CELF4: variants seen among roughly 807,000 people sequenced by gnomAD.
CELF4 encodes the protein CUGBP Elav-like family member 4.
Under a neutral mutation model 59.9 loss-of-function variants are expected in CELF4, and 18 were observed. The observed-to-expected ratio is 0.30, with a 90% CI of 0.21 to 0.45. The LOEUF (loss-of-function observed/expected upper bound fraction) is 0.45. Among genes scored for constraint, CELF4 ranks in the 20% least tolerant of loss-of-function variants. The pLI, the probability that CELF4 is intolerant of heterozygous loss-of-function variation, is 1.00. For synonymous variants in CELF4, 261 were observed against 267.1 expected (o/e 0.98, Z 0.22); for missense variants, 456 against 689.0 (o/e 0.66, Z 3.79).
intron 1 of CELF4, among the ~76,000 whole-genome samples, chr18:37,510,971 TAC>T (rs2099943641): frequency 6.6e-6 from 1 of 152,178 alleles, no homozygotes; most frequent in South Asian, 2.1e-4. Flanking sequence ...TCTAGGCCAT[TAC>T]CCAGGGGCAC....
chr18:37,503,734 C>T (rs927940367), intron 1 of CELF4, among the ~76,000 whole-genome samples: 5 of 152,200 alleles, frequency 3.3e-5, no homozygotes, highest in Non-Finnish European at 7.3e-5. Context: ...CATGCTGAGT[C>T]CTGCCCTAGT....
intron 2 of CELF4, among the ~76,000 whole-genome samples, chr18:37,439,026 C>A (rs998203189): frequency 6.6e-5 from 10 of 152,166 alleles, no homozygotes; most frequent in African/African-American, 2.4e-4. Context: ...AAATTGCCTC[C>A]ACCTGAGAGC....
At chr18:37,273,353 TGA>T in intron 6 of CELF4, 190 bp from the exon 7 acceptor site, 6 of 1,373,674 alleles carry the variant, frequency 4.4e-6, no homozygotes, top group Non-Finnish European at 5.7e-6. Context: ...TCCACCACCC[TGA>T]GAGATGACTG....
intron 7 of CELF4, among the ~76,000 whole-genome samples, chr18:37,272,760 G>C (rs950173681): frequency 6.6e-6 from 1 of 152,126 alleles, no homozygotes; most frequent in Admixed American, 6.5e-5. Context: ...TCCTGATAAG[G>C]TTAAACAGCT....
At chr18:37,435,921 G>A (rs2099690180) in intron 2 of CELF4, among the ~76,000 whole-genome samples, 1 of 152,158 alleles carries the variant, frequency 6.6e-6, no homozygotes, top group African/African-American at 2.4e-5. Context: ...AATAAACCCA[G>A]GACAGAGTGG....
chr18:37,522,400 G>A (rs925201399), intron 1 of CELF4, among the ~76,000 whole-genome samples: 1 of 152,128 alleles, frequency 6.6e-6, no homozygotes, highest in East Asian at 1.9e-4. Context: ...CCCAGCTGGA[G>A]CTGAGATGGA....
chr18:37,412,524 G>C (rs2099477690), intron 2 of CELF4, among the ~76,000 whole-genome samples: 1 of 152,134 alleles, frequency 6.6e-6, no homozygotes, highest in Admixed American at 6.5e-5. Flanking sequence ...ATGCATGCAT[G>C]CATGTGTGTA....
chr18:37,415,705 TGAC>T (rs1259557435), intron 2 of CELF4, among the ~76,000 whole-genome samples: 1 of 152,220 alleles, frequency 6.6e-6, no homozygotes, highest in Non-Finnish European at 1.5e-5. Context: ...ATATGGAGCC[TGAC>T]GATTTCTACC....
intron 2 of CELF4, among the ~76,000 whole-genome samples, chr18:37,384,959 G>C (rs2099082790): frequency 6.6e-6 from 1 of 152,172 alleles, no homozygotes; most frequent in South Asian, 2.1e-4. Context: ...CTGATTTGCT[G>C]GGTCAGTCCT....
At chr18:37,363,949 G>A (rs943053350) in intron 2 of CELF4, among the ~76,000 whole-genome samples, 2 of 152,208 alleles carry the variant, frequency 1.3e-5, no homozygotes, top group African/African-American at 4.8e-5. Flanking sequence ...GGACTGACAG[G>A]TGGGGACCAC....
At chr18:37,251,211 C>G (rs2065255171) in intron 12 of CELF4, among the ~76,000 whole-genome samples, 1 of 144,358 alleles carries the variant, frequency 6.9e-6, no homozygotes, top group African/African-American at 2.9e-5. Context: ...CTAGTTGTTA[C>G]TTCTCGGAGC....
At chr18:37,416,801 G>GT (rs534985958) in intron 2 of CELF4, among the ~76,000 whole-genome samples, 167 of 152,290 alleles carry the variant, frequency 1.1e-3, no homozygotes, top group Non-Finnish European at 1.8e-3. Flanking sequence ...TGTTGCATCT[G>GT]TCCTGTGTTG....
intron 1 of CELF4, among the ~76,000 whole-genome samples, chr18:37,546,371 C>T (rs1322616248): frequency 1.3e-5 from 2 of 150,690 alleles, no homozygotes; most frequent in Non-Finnish European, 2.9e-5. Context: ...TACATACTTG[C>T]ACCCACGCAC....
intron 3 of CELF4, among the ~76,000 whole-genome samples, chr18:37,287,026 T>C (rs1205920400): frequency 1.3e-5 from 2 of 152,076 alleles, no homozygotes; most frequent in Non-Finnish European, 2.9e-5. Flanking sequence ...CCTTCAGGGA[T>C]GAACAACAGG....
intron 2 of CELF4, among the ~76,000 whole-genome samples, chr18:37,427,384 G>C (rs1391372739): frequency 1.3e-5 from 2 of 152,140 alleles, no homozygotes; most frequent in East Asian, 3.8e-4. Flanking sequence ...GCCAAACCCA[G>C]CTCTCCCCAG....
In CELF4 at chr18:37,321,873, C is replaced by T. The variant is rs2097135111; in HGVS notation, c.378G>A (p.Arg126=). The change falls in exon 3 of 13, where the codon CGG becomes CGA. Residue 126 remains arginine, a synonymous_variant. Transcript: ENST00000420428. The part of the protein sequence containing the change: ...HEQKTLPGMN[R]PIQVKPADSE... ...TGTCCGCAGGCTTCACCTGGATCGG[C>T]CGGTTCATCTGCAACAGAGCAGAGG... The T allele has an allele frequency of 5.6e-6, 9 of 1,613,040 alleles. No individual in the cohort carries two copies. Among genetic ancestry groups the T allele is most frequent in the Non-Finnish European group, 7.6e-6 (9 of 1,179,482 alleles).
chr18:37,500,721 A>G (rs1379559884), intron 1 of CELF4, among the ~76,000 whole-genome samples: 1 of 151,796 alleles, frequency 6.6e-6, no homozygotes, highest in Non-Finnish European at 1.5e-5. Context: ...TTTTTAGTAG[A>G]GACGGGGTTT....
At chr18:37,303,766 G>C (rs2096229672) in intron 3 of CELF4, among the ~76,000 whole-genome samples, 1 of 152,166 alleles carries the variant, frequency 6.6e-6, no homozygotes, top group Admixed American at 6.5e-5. Flanking sequence ...GGATTCACAG[G>C]ACCCTCTGAT....
chr18:37,447,045 A>G (rs1231355797), intron 2 of CELF4, among the ~76,000 whole-genome samples: 1 of 152,216 alleles, frequency 6.6e-6, no homozygotes, highest in Non-Finnish European at 1.5e-5. Context: ...AGTTGCAGAA[A>G]TGAGGAGATG....
Sources: gnomAD v4.1 joint callset for allele counts (sites outside exome capture counted in the v4.1 genomes callset) on GRCh38, gnomAD v4.1.1 for gene constraint, MANE v1.5 for transcripts, NCBI Gene and HGNC (gene_info 2026-07-23, HGNC 2026-07-21) for gene names.